The following LDLRAD4 variants were observed in gnomAD, a reference collection of about 807,000 sequenced individuals.
The protein encoded by LDLRAD4 is low density lipoprotein receptor class A domain containing 4.
Under a neutral mutation model 17.0 loss-of-function variants are expected in LDLRAD4, and 5 were observed. The observed-to-expected ratio is 0.29, with a 90% CI of 0.15 to 0.62. The LOEUF is 0.62. Ranked by LOEUF, LDLRAD4 falls within the 20% of genes least tolerant of loss-of-function variation. The pLI is 0.84. For missense variants in LDLRAD4, 340 were observed against 424.7 expected, an observed-to-expected ratio of 0.80 and a Z score of 1.75; for synonymous variants, 168 against 171.8, an observed-to-expected ratio of 0.98 and a Z score of 0.17.
intron 3 of LDLRAD4, among the ~76,000 whole-genome samples, chr18:13,505,858 C>G (rs987648858): frequency 6.6e-6 from 1 of 152,014 alleles, no homozygotes; most frequent in Non-Finnish European, 1.5e-5. Flanking sequence ...CACTAGCAAC[C>G]TTGAGAATGG....
intron 3 of LDLRAD4, among the ~76,000 whole-genome samples, chr18:13,441,205 A>G (rs967743165): frequency 5.9e-5 from 9 of 152,046 alleles, no homozygotes; most frequent in Non-Finnish European, 1.2e-4. Context: ...GGCAGCGAAC[A>G]GGGATATTTC....
At chr18:13,273,046 T>A (rs1477938428) in intron 1 of LDLRAD4, among the ~76,000 whole-genome samples, 1 of 152,226 alleles carries the variant, frequency 6.6e-6, no homozygotes, top group East Asian at 1.9e-4. Flanking sequence ...ACAGGTTGAA[T>A]GCATGAATGA....
intron 3 of LDLRAD4, among the ~76,000 whole-genome samples, chr18:13,502,115 T>C (rs1375882137): frequency 6.6e-6 from 1 of 152,152 alleles, no homozygotes; most frequent in Non-Finnish European, 1.5e-5. Flanking sequence ...ATTGTGAAAG[T>C]TTTTGCAATG....
chr18:13,629,960 G>A (rs2041517076), intron 4 of LDLRAD4, among the ~76,000 whole-genome samples: 1 of 152,112 alleles, frequency 6.6e-6, no homozygotes, highest in African/African-American at 2.4e-5. Context: ...TGTGAGACGA[G>A]GCAACTGGTG....
intron 3 of LDLRAD4, among the ~76,000 whole-genome samples, chr18:13,443,734 C>T (rs1323838120): frequency 6.6e-6 from 1 of 152,064 alleles, no homozygotes; most frequent in Non-Finnish European, 1.5e-5. Flanking sequence ...CCCCCTTCTC[C>T]CTTTTGTGAC....
At chr18:13,560,882 G>T (rs2094533414) in intron 3 of LDLRAD4, among the ~76,000 whole-genome samples, 1 of 152,216 alleles carries the variant, frequency 6.6e-6, no homozygotes, top group Non-Finnish European at 1.5e-5. Context: ...GCTTGCAGGT[G>T]ACCTGGGAGC....
chr18:13,388,985 G>C (rs867426360), intron 2 of LDLRAD4, among the ~76,000 whole-genome samples: 9 of 151,754 alleles, frequency 5.9e-5, no homozygotes, highest in Non-Finnish European at 7.4e-5. Context: ...GATTGTGAGG[G>C]GCTGGTTATT....
At chr18:13,640,130 C>G (rs2042405828) in intron 4 of LDLRAD4, among the ~76,000 whole-genome samples, 1 of 150,992 alleles carries the variant, frequency 6.6e-6, no homozygotes, top group Non-Finnish European at 1.5e-5. Context: ...ACTAACAGTA[C>G]AAAAAAAACA....
chr18:13,414,414 C>T (rs1445622253), intron 2 of LDLRAD4, among the ~76,000 whole-genome samples: 1 of 152,244 alleles, frequency 6.6e-6, no homozygotes, highest in South Asian at 2.1e-4. Flanking sequence ...TCTATTGTCA[C>T]TGTCACTTAG....
At chr18:13,228,225 T>C (rs1487077751) in intron 1 of LDLRAD4, among the ~76,000 whole-genome samples, 4 of 152,196 alleles carry the variant, frequency 2.6e-5, no homozygotes, top group Non-Finnish European at 5.9e-5. Context: ...TGAAGGCTGC[T>C]AATGGGGTGG....
chr18:13,476,317 A>G (rs1279861010), intron 3 of LDLRAD4, among the ~76,000 whole-genome samples: 3 of 152,188 alleles, frequency 2.0e-5, no homozygotes, highest in African/African-American at 7.2e-5. Flanking sequence ...TTAAGACTGA[A>G]TTAGGAGACT....
At chr18:13,451,648 G>A (rs911679132) in intron 3 of LDLRAD4, among the ~76,000 whole-genome samples, 1 of 152,172 alleles carries the variant, frequency 6.6e-6, no homozygotes, top group Non-Finnish European at 1.5e-5. Context: ...CATCTTACAT[G>A]TCTGGAGGCT....
intron 3 of LDLRAD4, among the ~76,000 whole-genome samples, chr18:13,566,498 G>T (rs1785174): frequency 6.6e-6 from 1 of 151,968 alleles, no homozygotes; most frequent in African/African-American, 2.4e-5. Flanking sequence ...GAGTAGCTGG[G>T]ACTACAGGCG....
At chr18:13,602,331 G>T (rs1039125823) in intron 3 of LDLRAD4, among the ~76,000 whole-genome samples, 4 of 152,044 alleles carry the variant, frequency 2.6e-5, no homozygotes, top group African/African-American at 9.7e-5. Flanking sequence ...AAAAGAACTT[G>T]ATCGTATCAG....
chr18:13,276,931 T>C (rs1481433008), upstream of LDLRAD4, among the ~76,000 whole-genome samples: 1 of 152,144 alleles, frequency 6.6e-6, no homozygotes, highest in African/African-American at 2.4e-5. Context: ...TCTGAGCGTT[T>C]GCGTCCTAGG....
In LDLRAD4 at chr18:13,365,694, T is replaced by G. The variant is rs1250043160; in HGVS notation, c.-382-21647T>G. 3.3e-5 allele frequency among the ~76,000 whole-genome samples: 5 copies of G among 152,272 alleles called. No homozygotes were observed. The East Asian group carries it at 9.6e-4, about 29-fold the overall frequency. ...AAGGATGTGATTTCACTCAAGGCAC[T>G]GCCTGTCTCAAAGTCACCAGGATTC... On this transcript the variant is annotated intron_variant, in intron 1 of 5. Transcript: ENST00000359446.
intron 1 of LDLRAD4, among the ~76,000 whole-genome samples, chr18:13,369,286 C>T (rs779769346): frequency 1.1e-4 from 16 of 152,186 alleles, no homozygotes; most frequent in Non-Finnish European, 2.2e-4. Context: ...AGGAATGAAA[C>T]GCATTTTCTG....
intron 1 of LDLRAD4, among the ~76,000 whole-genome samples, chr18:13,337,854 A>G (rs1454049253): frequency 6.6e-6 from 1 of 152,052 alleles, no homozygotes; most frequent in Non-Finnish European, 1.5e-5. Context: ...GCACGAGGCC[A>G]TCTCTAAAAA....
chr18:13,366,282 T>G (rs1380655697), intron 1 of LDLRAD4: 1 of 152,244 alleles, frequency 6.6e-6, no homozygotes. Context: ...CTGTAAATCC[T>G]GAGCTCACAG....
Sources: allele counts gnomAD v4.1 joint callset (sites outside exome capture counted in the v4.1 genomes callset), GRCh38; gene constraint gnomAD v4.1.1; transcripts MANE v1.5; gene names NCBI Gene and HGNC (gene_info 2026-07-23, HGNC 2026-07-21).